The following PDE1A variants were observed in gnomAD, a reference collection of about 807,000 sequenced individuals.
PDE1A encodes dual specificity calcium/calmodulin-dependent 3',5'-cyclic nucleotide phosphodiesterase 1A.
In PDE1A, 35 loss-of-function variants were observed where a neutral mutation model predicts 61.7. That is an observed-to-expected ratio of 0.57 (90% CI 0.43 to 0.75). The LOEUF (loss-of-function observed/expected upper bound fraction) is 0.75, where lower values mean the gene tolerates loss of function less well. PDE1A is among the 30% of genes least tolerant of loss of function. The probability of loss-of-function intolerance (pLI) is 0.00; values close to 1 mark genes in which losing one functional copy is unlikely to be tolerated. For missense variants in PDE1A, 597 were observed against 630.6 expected (o/e 0.95, Z 0.57); for synonymous variants, 232 against 213.2 (o/e 1.09, Z -0.77).
intron 13 of PDE1A, among the ~76,000 whole-genome samples, chr2:182,184,007 G>GAAGAAAGAAAGAAAGA (rs36010429): frequency 7.7e-4 from 104 of 134,706 alleles, no homozygotes; most frequent in East Asian, 2.1e-3. Flanking sequence ...GAAAGGAAGA[G>GAAGAAAGAAAGAAAGA]AAGAAAGAAA....
At chr2:182,658,451 T>G in the PDE1A span, among the ~76,000 whole-genome samples, 1 of 151,684 alleles carries the variant, frequency 6.6e-6, no homozygotes, top group East Asian at 1.9e-4. Flanking sequence ...TCATCTTAAT[T>G]TGATTATATG....
chr2:182,623,989 G>C, the PDE1A span, among the ~76,000 whole-genome samples: 1 of 151,768 alleles, frequency 6.6e-6, no homozygotes, highest in African/African-American at 2.4e-5. Context: ...GCCGGGCGTA[G>C]TGGCGGGCGC....
intron 1 of PDE1A, among the ~76,000 whole-genome samples, chr2:182,300,884 A>G (rs1051108475): frequency 1.3e-5 from 2 of 152,182 alleles, no homozygotes; most frequent in Admixed American, 1.3e-4. Flanking sequence ...TCTCTTGCAA[A>G]GTTGTTCAAG....
chr2:182,529,365 C>T, the PDE1A span, among the ~76,000 whole-genome samples: 4 of 152,280 alleles, frequency 2.6e-5, no homozygotes, highest in East Asian at 3.9e-4. Flanking sequence ...TTTGTTTTGG[C>T]CAATTTCTCC....
intron 2 of PDE1A, among the ~76,000 whole-genome samples, chr2:182,251,359 C>T (rs1037463851): frequency 1.3e-5 from 2 of 151,518 alleles, no homozygotes; most frequent in Non-Finnish European, 2.9e-5. Context: ...CTTGATAAGA[C>T]CTTAAATTTC....
At chr2:182,662,099 T>C in the PDE1A span, among the ~76,000 whole-genome samples, 1 of 151,882 alleles carries the variant, frequency 6.6e-6, no homozygotes, top group African/African-American at 2.4e-5. Flanking sequence ...CTACCTAACA[T>C]GAAGACTTAT....
At position 182,250,035 on chromosome 2, in the gene PDE1A, CA is replaced by C. The variant is rs371637179; in HGVS notation, c.168-9744del. ...GAGTGTCCATGTCACATTTTTTGGT[CA>C]TGTATGTCTGGTTTCAGGGTCTGAG... On this transcript the variant is annotated intron_variant, in intron 2 of 13. Coordinates refer to ENST00000351439, the Ensembl canonical transcript of PDE1A. Among the ~76,000 whole-genome samples the C allele has an allele frequency of 7.9e-4, 120 of 152,264 alleles. No homozygotes were observed. In the East Asian group the frequency reaches 0.016, roughly 20 times the overall value.
chr2:182,472,360 T>G (rs559168087), intron 2 of PDE1A, among the ~76,000 whole-genome samples: 15 of 152,092 alleles, frequency 9.9e-5, no homozygotes, highest in African/African-American at 3.4e-4. Context: ...ATATACACAA[T>G]GAAATACTAT....
chr2:182,310,606 A>T (rs572880936), intron 1 of PDE1A, among the ~76,000 whole-genome samples: 21 of 152,256 alleles, frequency 1.4e-4, no homozygotes, highest in East Asian at 5.8e-4. Context: ...ATTTAACGCA[A>T]ATTTATTCCC....
At chr2:182,614,517 C>A in the PDE1A span, among the ~76,000 whole-genome samples, 1 of 149,536 alleles carries the variant, frequency 6.7e-6, no homozygotes. Context: ...TGTAAGTTAT[C>A]ACTTTATTAC....
intron 1 of PDE1A, among the ~76,000 whole-genome samples, chr2:182,346,278 T>C (rs1421353565): frequency 6.6e-6 from 1 of 152,162 alleles, no homozygotes; most frequent in Non-Finnish European, 1.5e-5. Context: ...AAATTTTAGC[T>C]TATTCTATGG....
chr2:182,516,026 T>C (rs2887208), intron 2 of PDE1A, among the ~76,000 whole-genome samples: 51,778 of 149,148 alleles, frequency 0.35, 9,700 homozygotes, highest in Middle Eastern at 0.44. Context: ...GGAATGGTCA[T>C]GTTGATGTGT....
At chr2:182,398,572 C>T (rs942185085) in intron 1 of PDE1A, among the ~76,000 whole-genome samples, 6 of 151,930 alleles carry the variant, frequency 3.9e-5, no homozygotes, top group Non-Finnish European at 7.4e-5. Context: ...TTATTTTCAG[C>T]ATCCTCAATT....
chr2:182,449,775 T>A (rs2125710477), intron 2 of PDE1A, among the ~76,000 whole-genome samples: 1 of 152,206 alleles, frequency 6.6e-6, no homozygotes, highest in African/African-American at 2.4e-5. Flanking sequence ...CAACACTGGA[T>A]AATTTTCTGA....
intron 1 of PDE1A, among the ~76,000 whole-genome samples, chr2:182,342,004 A>G (rs926858505): frequency 3.3e-5 from 5 of 152,106 alleles, no homozygotes; most frequent in Non-Finnish European, 5.9e-5. Flanking sequence ...CCTAGCCTCT[A>G]GTGACTCTCC....
intron 13 of PDE1A, among the ~76,000 whole-genome samples, chr2:182,155,986 G>A (rs562997682): frequency 6.6e-6 from 1 of 152,274 alleles, no homozygotes; most frequent in South Asian, 2.1e-4. Context: ...TCATGGTAGT[G>A]AATAAGTCTC....
intron 1 of PDE1A, among the ~76,000 whole-genome samples, chr2:182,279,613 G>T (rs833134): frequency 0.036 from 5,484 of 151,612 alleles, 159 homozygotes; most frequent in South Asian, 0.096. Flanking sequence ...GGTTTTCTTT[G>T]GTCTTTCTCA....
chr2:182,528,080 C>A (rs61184260), upstream of PDE1A, among the ~76,000 whole-genome samples: 10,029 of 152,058 alleles, frequency 0.066, 352 homozygotes, highest in Middle Eastern at 0.1. Context: ...TAAAGATACT[C>A]AAAAAGTGAA....
chr2:182,208,873 A>G (rs1349250588), intron 7 of PDE1A, among the ~76,000 whole-genome samples: 4 of 152,212 alleles, frequency 2.6e-5, no homozygotes, highest in African/African-American at 7.2e-5. Flanking sequence ...CAATGCCTGT[A>G]ACCCCATTAT....
Sources: gnomAD v4.1 joint callset for allele counts (sites outside exome capture counted in the v4.1 genomes callset) on GRCh38, gnomAD v4.1.1 for gene constraint, MANE v1.5 for transcripts, NCBI Gene and HGNC (gene_info 2026-07-23, HGNC 2026-07-21) for gene names.